Variants in ATP11A observed in about 807,000 individuals in gnomAD.
The protein encoded by ATP11A is phospholipid-transporting ATPase IH.
In ATP11A, 81 loss-of-function variants were observed where a neutral mutation model predicts 154.4. That is an observed-to-expected ratio of 0.52 (90% CI 0.44 to 0.63). ATP11A has a LOEUF of 0.63. ATP11A is among the 30% of genes least tolerant of loss of function. The pLI, the probability that ATP11A is intolerant of heterozygous loss-of-function variation, is 0.00. For synonymous variants in ATP11A, 623 were observed against 585.9 expected (o/e 1.06, Z -0.91); for missense variants, 1,316 against 1,474.3 (o/e 0.89, Z 1.76).
At chr13:112,816,279 G>A in intron 6 of ATP11A, 68 bp downstream of exon 6, 1 of 1,595,466 alleles carries the variant, frequency 6.3e-7, no homozygotes, top group South Asian at 1.1e-5. Flanking sequence ...TGCCCATGCG[G>A]CCACAGAAAC....
rs78847700 is a variant in ATP11A, at chr13:112,771,352, C to T, written c.40-13783C>T. On this transcript the variant is annotated intron_variant, in intron 1 of 29. Transcript: ENST00000375645. The stretch of plus-strand genomic sequence containing the variant: ...GCCAGGCAGAGACACCTTGGAATCC[C>T]ACCCAGCCCAGATGTGTCTCCTGGG... 6.0e-4 allele frequency among the ~76,000 whole-genome samples: 91 copies of T among 152,310 alleles called. No individual in the cohort carries two copies. The East Asian group carries it at 0.017, about 29-fold the overall frequency.
intron 25 of ATP11A, among the ~76,000 whole-genome samples, chr13:112,864,990 G>A (rs2080272770): frequency 6.9e-6 from 1 of 145,320 alleles, no homozygotes; most frequent in Admixed American, 7.0e-5. Flanking sequence ...GTAATTCAGT[G>A]CAGCCCGCGC....
intron 25 of ATP11A, among the ~76,000 whole-genome samples, chr13:112,870,733 G>A (rs537454338): frequency 6.6e-5 from 10 of 152,304 alleles, no homozygotes; most frequent in East Asian, 5.8e-4. Context: ...CATGGAATCC[G>A]ATAAACTAGA....
chr13:112,702,983 G>A lies in ATP11A; in HGVS notation c.39+12528G>A, dbSNP rs118168150. On this transcript the variant is annotated intron_variant, in intron 1 of 29. Transcript: ENST00000375645. ...TATGAAAAACTGATACATTGTTTAC[G>A]ACATGATTCTCTGAGATGCTTGTTG... Among the ~76,000 whole-genome samples, 132 of 152,342 alleles carry A rather than the reference G, an allele frequency of 8.7e-4. No homozygotes were observed. In the East Asian group the frequency reaches 0.024, roughly 27 times the overall value.
intron 2 of ATP11A, among the ~76,000 whole-genome samples, chr13:112,796,000 T>A (rs1173966034): frequency 1.3e-5 from 2 of 152,228 alleles, no homozygotes; most frequent in Non-Finnish European, 2.9e-5. Context: ...AGAATTTCGA[T>A]AGAGTACCTA....
At chr13:112,780,285 A>C (rs1209985832) in intron 1 of ATP11A, among the ~76,000 whole-genome samples, 2 of 152,064 alleles carry the variant, frequency 1.3e-5, no homozygotes, top group Non-Finnish European at 2.9e-5. Context: ...TTCATCCCCC[A>C]GTCAGAGGCG....
intron 25 of ATP11A, among the ~76,000 whole-genome samples, chr13:112,868,261 C>G (rs2080402493): frequency 6.6e-6 from 1 of 152,188 alleles, no homozygotes. Context: ...GGGATCTGCA[C>G]AGGGAGGGGA....
In ATP11A at chr13:112,851,112, C is replaced by T; in HGVS notation, c.1885C>T (p.Gln629Ter). The T allele has an allele frequency of 6.2e-7, 1 of 1,614,230 alleles. No individual in the cohort carries two copies. The highest frequency in any genetic ancestry group is 8.5e-7 in the Non-Finnish European group (1 of 1,180,040). Residue 629 changes from glutamine to a stop codon, truncating the protein, a stop_gained, in exon 18 of 30, where the codon CAG (glutamine) becomes TAG (stop). Transcript: ENST00000375645. LOFTEE classifies it high-confidence loss of function. ...EEYEGICKLLQAAKVALQDRE... is the reference protein window; with the variant it reads ...EEYEGICKLL ...ATATGAAGGCATTTGTAAGCTGCTG[C>T]AGGCTGCCAAAGTGGCCCTTCAAGA...
At chr13:112,794,300 A>G (rs1248426065) in intron 2 of ATP11A, among the ~76,000 whole-genome samples, 1 of 152,194 alleles carries the variant, frequency 6.6e-6, no homozygotes, top group Non-Finnish European at 1.5e-5. Flanking sequence ...CGATGAGCGA[A>G]GGATAACTGT....
intron 1 of ATP11A, among the ~76,000 whole-genome samples, chr13:112,780,986 T>C (rs989986062): frequency 7.4e-4 from 113 of 152,204 alleles, no homozygotes; most frequent in Admixed American, 7.4e-3. Context: ...TACCCGTGTC[T>C]TTGCTCTGAA....
Position 112,716,034 on chromosome 13 carries a change from T to G in ATP11A, c.39+25579T>G, listed in dbSNP as rs148483541. Among the ~76,000 whole-genome samples, 46 of 151,822 alleles carry G rather than the reference T, an allele frequency of 3.0e-4. 1 individual carries two copies. The East Asian group carries it at 8.0e-3, about 26-fold the overall frequency. On this transcript the variant is annotated intron_variant, in intron 1 of 29. Transcript: ENST00000375645. ...TGGGCAGGCTGGCTCTGTGGGGGCC[T>G]GGGGGTGGCTCCTGCCTGGACTTTG...
intron 20 of ATP11A, chr13:112,856,596 T>A (rs927143852): frequency 2.0e-5 from 3 of 152,514 alleles, no homozygotes; most frequent in African/African-American, 7.2e-5. Flanking sequence ...TCCAAACGTC[T>A]CACGCGGCCA....
chr13:112,772,096 C>A lies in ATP11A; in HGVS notation c.40-13039C>A, dbSNP rs554714760. On this transcript the variant is annotated intron_variant, in intron 1 of 29. Coordinates refer to ENST00000375645, the MANE Select transcript of ATP11A (RefSeq NM_015205.3). ...TGTCCTTACCTGGTTGGATACTGTC[C>A]TATTTTTTTTAATTTGTTTATTAAG... is the stretch of plus-strand genomic sequence containing the variant. Among the ~76,000 whole-genome samples the A allele has an allele frequency of 9.3e-4, 142 of 152,306 alleles. 1 individual carries two copies. The highest frequency in any genetic ancestry group is 1.8e-3 in the Admixed American group (28 of 15,290).
At chr13:112,747,869 A>G (rs1594526923) in intron 1 of ATP11A, among the ~76,000 whole-genome samples, 1 of 152,262 alleles carries the variant, frequency 6.6e-6, no homozygotes, top group East Asian at 1.9e-4. Flanking sequence ...GAAGGAACAC[A>G]GGATTGTATG....
At chr13:112,860,174 A>G in intron 23 of ATP11A, 113 bp from the exon 24 acceptor site, 1 of 1,223,930 alleles carries the variant, frequency 8.2e-7, no homozygotes, top group East Asian at 2.4e-5. Context: ...TAAGCTTTGA[A>G]AAGCGCTCTG....
Position 112,851,068 on chromosome 13 carries a change from A to G in ATP11A, c.1841A>G (p.Lys614Arg). 1 of 1,614,200 alleles carries G rather than the reference A, an allele frequency of 6.2e-7. No homozygotes were observed. The highest frequency in any genetic ancestry group is 8.5e-7 in the Non-Finnish European group (1 of 1,180,018). The change falls in exon 18 of 30, where the codon AAA becomes AGA. Residue 614 changes from lysine (K) to arginine (R), a missense_variant. Physicochemically the swap from Lys to Arg is conservative, Grantham distance 26. Transcript: ENST00000375645. ...EGLRTLCVAY[K>R]RLIQEEYEGI... is the part of the protein sequence containing the mutation. ...CTCCGAACTTTGTGTGTTGCTTATAAAAGGCTGATCCAAGAAGAATATGAA... is the reference window on the plus strand; with the variant it reads ...CTCCGAACTTTGTGTGTTGCTTATAGAAGGCTGATCCAAGAAGAATATGAA...
At chr13:112,871,614 C>T in intron 25 of ATP11A, 121 bp from the exon 26 acceptor site, 1 of 904,108 alleles carries the variant, frequency 1.1e-6, no homozygotes. Context: ...GTGCTTATAT[C>T]TTTGGGGTTT....
intron 2 of ATP11A, among the ~76,000 whole-genome samples, chr13:112,802,461 A>G (rs1438245568): frequency 6.6e-6 from 1 of 151,608 alleles, no homozygotes; most frequent in Admixed American, 6.6e-5. Context: ...CAGATAGTCA[A>G]CCCATCTTTG....
intron 1 of ATP11A, among the ~76,000 whole-genome samples, chr13:112,734,889 T>TC (rs2139711642): frequency 6.6e-6 from 1 of 152,274 alleles, no homozygotes; most frequent in East Asian, 1.9e-4. Flanking sequence ...GCAGGCCTTG[T>TC]CAGCGGTAGG....
Sources: gnomAD v4.1 joint callset for allele counts (sites outside exome capture counted in the v4.1 genomes callset) on GRCh38, gnomAD v4.1.1 for gene constraint, MANE v1.5 for transcripts, NCBI Gene and HGNC (gene_info 2026-07-23, HGNC 2026-07-21) for gene names.